LGSN: variants seen among roughly 807,000 people sequenced by gnomAD.
LGSN encodes lengsin.
Under a neutral mutation model 19.5 loss-of-function variants are expected in LGSN, and 21 were observed. The ratio of observed to expected loss-of-function variants is 1.07; its 90% confidence interval spans 0.76 to 1.55. LGSN has a LOEUF of 1.55. LGSN is among the 40% of genes most tolerant of loss of function. LGSN has a pLI of 0.00. For missense variants in LGSN, 673 were observed against 608.5 expected, an observed-to-expected ratio of 1.11 and a Z score of -1.12; for synonymous variants, 257 against 215.6, an observed-to-expected ratio of 1.19 and a Z score of -1.68.
the LGSN span, among the ~76,000 whole-genome samples, chr6:63,536,201 G>A: frequency 1.3e-5 from 2 of 152,110 alleles, no homozygotes; most frequent in Non-Finnish European, 2.9e-5. Context: ...CGTGGTGGCG[G>A]GTGCCTGCAG....
At chr6:63,432,179 G>GAAAGAAAGGGAAAGAAAGAAAAGAAAAGA in the LGSN span, among the ~76,000 whole-genome samples, 61 of 113,560 alleles carry the variant, frequency 5.4e-4, 1 homozygote, top group Non-Finnish European at 9.8e-4. Context: ...GAAAAGGAAA[G>GAAAGAAAGGGAAAGAAAGAAAAGAAAAGA]AAAGAAAAGA....
the LGSN span, among the ~76,000 whole-genome samples, chr6:63,370,963 G>A: frequency 6.6e-6 from 1 of 152,106 alleles, no homozygotes; most frequent in Non-Finnish European, 1.5e-5. Context: ...CTTGTGAAAC[G>A]TAGATTTTTA....
chr6:63,426,488 C>A, the LGSN span, among the ~76,000 whole-genome samples: 2 of 149,706 alleles, frequency 1.3e-5, no homozygotes, highest in Non-Finnish European at 2.9e-5. Context: ...CTGTAGGCTG[C>A]ATAAAGTTAT....
chr6:63,501,319 A>G, the LGSN span, among the ~76,000 whole-genome samples: 5,826 of 150,256 alleles, frequency 0.039, 393 homozygotes, highest in African/African-American at 0.14. Context: ...CCGAGATTGT[A>G]CCATTGCACT....
chr6:63,497,760 T>C, the LGSN span, among the ~76,000 whole-genome samples: 1 of 151,906 alleles, frequency 6.6e-6, no homozygotes, highest in African/African-American at 2.4e-5. Flanking sequence ...AATCATTTTA[T>C]AGCCCTTTAT....
the LGSN span, chr6:63,548,975 C>T: frequency 2.3e-5 from 17 of 745,360 alleles, no homozygotes; most frequent in Non-Finnish European, 3.6e-5. Flanking sequence ...AGTAAGGGAC[C>T]CGCATTTTAT....
chr6:63,487,809 C>T, the LGSN span, among the ~76,000 whole-genome samples: 1 of 152,104 alleles, frequency 6.6e-6, no homozygotes, highest in Non-Finnish European at 1.5e-5. Flanking sequence ...GGTGAAACCC[C>T]ATCTCTATTA....
chr6:63,438,826 C>T, the LGSN span, among the ~76,000 whole-genome samples: 2 of 152,180 alleles, frequency 1.3e-5, no homozygotes, highest in Non-Finnish European at 2.9e-5. Flanking sequence ...ACTAGAAATA[C>T]CATTTGACCT....
chr6:63,441,227 T>A, the LGSN span: 9 of 317,252 alleles, frequency 2.8e-5, no homozygotes, highest in East Asian at 7.2e-4. Flanking sequence ...AAATAATGAC[T>A]ATTCTCCCGT....
chr6:63,483,544 G>A, the LGSN span, among the ~76,000 whole-genome samples: 1 of 151,708 alleles, frequency 6.6e-6, no homozygotes, highest in Non-Finnish European at 1.5e-5. Flanking sequence ...TTTTTTGTGT[G>A]TTTTTAGTAG....
chr6:63,435,038 G>A, the LGSN span, among the ~76,000 whole-genome samples: 1 of 152,128 alleles, frequency 6.6e-6, no homozygotes, highest in East Asian at 1.9e-4. Flanking sequence ...GGGTTTCTCT[G>A]CTATCAGCAG....
At chr6:63,386,677 C>T in the LGSN span, among the ~76,000 whole-genome samples, 1 of 152,070 alleles carries the variant, frequency 6.6e-6, no homozygotes, top group African/African-American at 2.4e-5. Context: ...TGAAGTTCAA[C>T]AAAAGAACCC....
intron 2 of LGSN, among the ~76,000 whole-genome samples, chr6:63,292,046 T>A (rs1383894001): frequency 1.3e-5 from 2 of 152,122 alleles, no homozygotes; most frequent in Non-Finnish European, 2.9e-5. Context: ...ACAGAAAGGA[T>A]TCTGGGAGAT....
At chr6:63,501,418 T>C in the LGSN span, among the ~76,000 whole-genome samples, 1 of 152,082 alleles carries the variant, frequency 6.6e-6, no homozygotes, top group East Asian at 1.9e-4. Flanking sequence ...TGCCTTTTCT[T>C]GTCTTCATTA....
chr6:63,392,881 CTTT>C, the LGSN span, among the ~76,000 whole-genome samples: 5 of 109,912 alleles, frequency 4.5e-5, no homozygotes, highest in Admixed American at 9.5e-5. Context: ...TCTTCTTCTT[CTTT>C]TTTTTTTTTT....
the LGSN span, among the ~76,000 whole-genome samples, chr6:63,337,881 A>G: frequency 6.6e-6 from 1 of 151,876 alleles, no homozygotes; most frequent in African/African-American, 2.4e-5. Context: ...TATTTTATTT[A>G]TGTATTTATT....
chr6:63,414,798 C>T, the LGSN span, among the ~76,000 whole-genome samples: 14,364 of 152,026 alleles, frequency 0.094, 1,218 homozygotes, highest in African/African-American at 0.23. Context: ...GCCTGTAGTC[C>T]CAGCTACTCA....
At chr6:63,492,779 G>A in the LGSN span, among the ~76,000 whole-genome samples, 6 of 152,148 alleles carry the variant, frequency 3.9e-5, no homozygotes, top group Admixed American at 3.3e-4. Context: ...TAAACACACA[G>A]GTGTAGGTGT....
chr6:63,439,346 A>T, the LGSN span, among the ~76,000 whole-genome samples: 1 of 152,078 alleles, frequency 6.6e-6, no homozygotes, highest in African/African-American at 2.4e-5. Context: ...CCTAAAACTT[A>T]AAGTATAATA....
Sources: allele counts gnomAD v4.1 joint callset (sites outside exome capture counted in the v4.1 genomes callset), GRCh38; gene constraint gnomAD v4.1.1; transcripts MANE v1.5; gene names NCBI Gene and HGNC (gene_info 2026-07-23, HGNC 2026-07-21).